Variants in ROBO1 observed in about 807,000 individuals in gnomAD.
The protein encoded by ROBO1 is roundabout guidance receptor 1, also known as roundabout homolog 1.
A neutral mutation model predicts 195.9 loss-of-function variants in ROBO1; 149 were observed. The observed-to-expected ratio is 0.76, with a 90% CI of 0.67 to 0.87. The LOEUF (loss-of-function observed/expected upper bound fraction) is 0.87. Ranked by LOEUF, ROBO1 falls within the 40% of genes least tolerant of loss-of-function variation. The pLI, the probability that ROBO1 is intolerant of heterozygous loss-of-function variation, is 0.00. For missense variants in ROBO1, 1,933 were observed against 2,068.3 expected (o/e 0.93, Z 1.27); for synonymous variants, 816 against 733.2 (o/e 1.11, Z -1.82).
At chr3:79,070,777 G>C (rs1026607899) in intron 3 of ROBO1, among the ~76,000 whole-genome samples, 3 of 151,656 alleles carry the variant, frequency 2.0e-5, no homozygotes, top group Non-Finnish European at 2.9e-5. Flanking sequence ...CTTTTAAAAA[G>C]TGTTTCTCAG....
At chr3:78,977,590 A>AAT (rs144619040) in intron 3 of ROBO1, among the ~76,000 whole-genome samples, 5,091 of 150,582 alleles carry the variant, frequency 0.034, 154 homozygotes, top group African/African-American at 0.073. Flanking sequence ...TCAAGCAGTC[A>AAT]ATATATATAT....
At chr3:79,457,050 G>A (rs1347242730) in intron 2 of ROBO1, among the ~76,000 whole-genome samples, 1 of 152,052 alleles carries the variant, frequency 6.6e-6, no homozygotes, top group African/African-American at 2.4e-5. Flanking sequence ...TTTAATACTG[G>A]ACACTTAAAT....
chr3:79,441,490 C>A (rs548523463), intron 2 of ROBO1, among the ~76,000 whole-genome samples: 174 of 152,172 alleles, frequency 1.1e-3, no homozygotes, highest in African/African-American at 4.1e-3. Flanking sequence ...TTTGCAATGT[C>A]TTTTGGTGAT....
chr3:78,680,914 C>T (rs1375593774), intron 10 of ROBO1, among the ~76,000 whole-genome samples: 3 of 150,044 alleles, frequency 2.0e-5, no homozygotes, highest in African/African-American at 7.4e-5. Context: ...TTCACAATAG[C>T]AAAGACTTGG....
rs1229869256 is a variant in ROBO1 at position 78,659,952 on chromosome 3, GCT to G, written c.2321-147_2321-146del. On this transcript the variant is annotated intron_variant, in intron 16 of 30. Coordinates refer to ENST00000464233, the MANE Select transcript of ROBO1 (RefSeq NM_002941.4). ...TTTTTTTTTTTTGAGACGGAGGCTC[GCT>G]CTGTCATCTAGGCTGTAGTGCTGTG... 2.0e-4 allele frequency: 96 copies of G among 476,372 alleles called. 1 individual carries two copies. In the Admixed American group the frequency reaches 4.1e-3, roughly 20 times the overall value. The allele number at this position is 476,372 out of a possible 1,614,324, so 29.5% of individuals were successfully genotyped here.
chr3:78,689,077 G>T (rs558468496), intron 8 of ROBO1, among the ~76,000 whole-genome samples: 6 of 152,196 alleles, frequency 3.9e-5, no homozygotes, highest in Admixed American at 3.9e-4. Flanking sequence ...AATTTTTTAT[G>T]AACAAATATT....
intron 5 of ROBO1, among the ~76,000 whole-genome samples, chr3:78,738,495 A>G (rs2082446346): frequency 6.6e-6 from 1 of 152,194 alleles, no homozygotes; most frequent in Non-Finnish European, 1.5e-5. Context: ...AAGAAATGAT[A>G]CAGATAAAAC....
chr3:79,171,862 T>C (rs987663466), intron 2 of ROBO1, among the ~76,000 whole-genome samples: 1 of 152,114 alleles, frequency 6.6e-6, no homozygotes, highest in East Asian at 1.9e-4. Flanking sequence ...TTATTACTTA[T>C]AAGTTATGTT....
chr3:79,143,342 T>A (rs2080570546), intron 2 of ROBO1, among the ~76,000 whole-genome samples: 1 of 151,970 alleles, frequency 6.6e-6, no homozygotes, highest in African/African-American at 2.4e-5. Context: ...AGGTAAAAAA[T>A]TCTCTCTAAT....
intron 1 of ROBO1, among the ~76,000 whole-genome samples, chr3:79,671,682 A>G (rs1946635855): frequency 6.6e-6 from 1 of 151,886 alleles, no homozygotes; most frequent in South Asian, 2.1e-4. Context: ...GTTGGCCATA[A>G]TGTCAAAACT....
rs750158094 is a variant in ROBO1 at position 78,963,494 on chromosome 3, G to GTTTTTTTTTTTT, written c.173-24579_173-24568dup. Among the ~76,000 whole-genome samples, 19 of 72,312 alleles carry GTTTTTTTTTTTT rather than the reference G, an allele frequency of 2.6e-4. 2 individuals are homozygous for GTTTTTTTTTTTT. The highest frequency in any genetic ancestry group is 7.1e-4 in the Admixed American group (3 of 4,216). The allele number at this position is 72,312 out of a possible 152,430, so 47.4% of individuals were successfully genotyped here. On this transcript the variant is annotated intron_variant, in intron 3 of 30. Coordinates refer to ENST00000464233, the MANE Select transcript of ROBO1 (RefSeq NM_002941.4). ...GAGAAGATCCAGAGGAAAACCTTCA[G>GTTTTTTTTTTTT]TTTTTTTTTTTTTTTTTTTTTTTTT...
intron 4 of ROBO1, among the ~76,000 whole-genome samples, chr3:78,750,721 A>T (rs2082772438): frequency 6.6e-6 from 1 of 152,162 alleles, no homozygotes; most frequent in Non-Finnish European, 1.5e-5. Context: ...TGTTCCAAGT[A>T]ATATGGAGAC....
intron 4 of ROBO1, among the ~76,000 whole-genome samples, chr3:78,869,132 A>G (rs1479597690): frequency 6.6e-6 from 1 of 152,156 alleles, no homozygotes; most frequent in South Asian, 2.1e-4. Flanking sequence ...AAACAATTCA[A>G]TGAAATTGAA....
At chr3:79,207,977 G>A (rs1281091880) in intron 2 of ROBO1, among the ~76,000 whole-genome samples, 4 of 151,864 alleles carry the variant, frequency 2.6e-5, no homozygotes, top group South Asian at 2.1e-4. Context: ...CATATTTTTC[G>A]GAACATTAGT....
chr3:79,159,525 T>C (rs918797403), intron 2 of ROBO1, among the ~76,000 whole-genome samples: 2 of 151,998 alleles, frequency 1.3e-5, no homozygotes, highest in African/African-American at 4.8e-5. Flanking sequence ...TTGGTCTAAT[T>C]AGAAACGTTT....
At chr3:78,677,730 C>T (rs1489595569) in intron 10 of ROBO1, among the ~76,000 whole-genome samples, 1 of 152,126 alleles carries the variant, frequency 6.6e-6, no homozygotes, top group African/African-American at 2.4e-5. Context: ...TAATGGGCGA[C>T]TTTAACACCC....
intron 2 of ROBO1, among the ~76,000 whole-genome samples, chr3:79,465,066 C>T (rs1575862627): frequency 6.6e-6 from 1 of 152,140 alleles, no homozygotes; most frequent in East Asian, 1.9e-4. Context: ...AAACTTGAAT[C>T]GTATTCTTAA....
chr3:79,296,627 T>C (rs1048177934), intron 2 of ROBO1, among the ~76,000 whole-genome samples: 6 of 152,200 alleles, frequency 3.9e-5, no homozygotes, highest in South Asian at 2.1e-4. Flanking sequence ...AATTGCATTA[T>C]CTTAAAGGAA....
chr3:78,736,154 C>A (rs1305132544), intron 5 of ROBO1, among the ~76,000 whole-genome samples: 1 of 152,058 alleles, frequency 6.6e-6, no homozygotes, highest in African/African-American at 2.4e-5. Flanking sequence ...ATAAGAAATA[C>A]GTAATTGTAT....
Sources: allele counts gnomAD v4.1 joint callset (sites outside exome capture counted in the v4.1 genomes callset), GRCh38; gene constraint gnomAD v4.1.1; transcripts MANE v1.5; gene names NCBI Gene and HGNC (gene_info 2026-07-23, HGNC 2026-07-21).